TCERG1: variants seen among roughly 807,000 people sequenced by gnomAD.
The protein encoded by TCERG1 is TATA box binding protein (TBP)-associated factor, RNA polymerase II, S, 150kD.
Under a neutral mutation model 144.7 loss-of-function variants are expected in TCERG1, and 37 were observed. The ratio of observed to expected loss-of-function variants is 0.26; its 90% CI spans 0.20 to 0.34. TCERG1 has a LOEUF of 0.34. Among genes scored for constraint, TCERG1 ranks in the 10% least tolerant of loss-of-function variants. The probability of loss-of-function intolerance (pLI) is 1.00; values close to 1 mark genes in which losing one functional copy is unlikely to be tolerated. For missense variants in TCERG1, 1,027 were observed against 1,380.7 expected (o/e 0.74, Z 4.06); for synonymous variants, 492 against 458.2 (o/e 1.07, Z -0.94).
chr5:146,453,922 G>C (rs950609350), intron 1 of TCERG1, among the ~76,000 whole-genome samples: 4 of 151,870 alleles, frequency 2.6e-5, no homozygotes, highest in Admixed American at 2.6e-4. Context: ...TTCCGGCCAG[G>C]CGCTGTGGCT....
At chr5:146,510,140 C>A in intron 22 of TCERG1, 1 of 1,268,246 alleles carries the variant, frequency 7.9e-7, no homozygotes, top group Non-Finnish European at 1.0e-6. Context: ...GACTGAAGTC[C>A]TCTGTTCATC....
chr5:146,485,477 T>C (rs913559601), intron 15 of TCERG1, among the ~76,000 whole-genome samples: 1 of 152,220 alleles, frequency 6.6e-6, no homozygotes, highest in Non-Finnish European at 1.5e-5. Flanking sequence ...TTAAAACTTT[T>C]ATGACGTATT....
chr5:146,471,131 G>GT (rs1764255513), intron 8 of TCERG1, among the ~76,000 whole-genome samples: 1 of 152,202 alleles, frequency 6.6e-6, no homozygotes, highest in African/African-American at 2.4e-5. Context: ...CACTAAAAGA[G>GT]TTTTTTATTC....
At chr5:146,473,419 G>A (rs1030926722) in intron 9 of TCERG1, among the ~76,000 whole-genome samples, 1 of 152,226 alleles carries the variant, frequency 6.6e-6, no homozygotes, top group African/African-American at 2.4e-5. Flanking sequence ...GAAGCAGCAC[G>A]TGCTGATGTA....
At chr5:146,451,723 T>G (rs868404799) in intron 1 of TCERG1, among the ~76,000 whole-genome samples, 1 of 149,806 alleles carries the variant, frequency 6.7e-6, no homozygotes, top group Non-Finnish European at 1.5e-5. Flanking sequence ...CTGGACTTGT[T>G]TACAGTCCTG....
chr5:146,468,519 C>A (rs1374759901), intron 6 of TCERG1, 116 bp downstream of exon 6: 4 of 916,592 alleles, frequency 4.4e-6, no homozygotes, highest in East Asian at 2.8e-5. Context: ...TTATATTTTT[C>A]TTTTTAATGA....
chr5:146,506,060 C>T (rs542483788), intron 19 of TCERG1, among the ~76,000 whole-genome samples: 7 of 152,286 alleles, frequency 4.6e-5, no homozygotes, highest in African/African-American at 1.4e-4. Context: ...CATGAGCCAC[C>T]GCACCCGGCC....
At chr5:146,500,423 G>A (rs561001635) in intron 17 of TCERG1, among the ~76,000 whole-genome samples, 2 of 151,336 alleles carry the variant, frequency 1.3e-5, no homozygotes, top group Admixed American at 6.6e-5. Context: ...AAATCACATT[G>A]TAACTGAGTA....
At chr5:146,470,242 A>G (rs555695058) in intron 7 of TCERG1, among the ~76,000 whole-genome samples, 100 of 152,296 alleles carry the variant, frequency 6.6e-4, no homozygotes, top group African/African-American at 2.2e-3. Context: ...GGCTTAAGCA[A>G]TCCTTCTGCC....
intron 4 of TCERG1, among the ~76,000 whole-genome samples, chr5:146,460,960 G>A (rs1159996979): frequency 1.3e-5 from 2 of 152,150 alleles, no homozygotes; most frequent in African/African-American, 2.4e-5. Context: ...AATGGGAGAA[G>A]GGGATTAATA....
Position 146,447,420 on chromosome 5 carries a change from T to C in TCERG1, c.59+12T>C, listed in dbSNP as rs1244734678. ...CCGGGGGAGCTCAGGTAAGGAACGC[T>C]GCCCTCCTTCACATCTCTGCTCACG... On this transcript the variant is annotated intron_variant, in intron 1 of 22. Coordinates refer to ENST00000679501, the MANE Select transcript of TCERG1 (RefSeq NM_001382548.1). 2 of 1,610,280 alleles carry C rather than the reference T, an allele frequency of 1.2e-6. No individual in the cohort carries two copies. Among genetic ancestry groups the C allele is most frequent in the Admixed American group, 1.7e-5 (1 of 59,488 alleles).
intron 10 of TCERG1, 39 bp downstream of exon 10, chr5:146,478,692 AT>A (rs774996134): frequency 2.6e-6 from 4 of 1,511,242 alleles, no homozygotes; most frequent in Non-Finnish European, 3.5e-6. Context: ...TGATTTTAAC[AT>A]TCTTTTCATA....
intron 15 of TCERG1, among the ~76,000 whole-genome samples, chr5:146,488,315 A>C (rs1385895144): frequency 6.6e-6 from 1 of 152,226 alleles, no homozygotes; most frequent in Non-Finnish European, 1.5e-5. Context: ...GAATGGGAGA[A>C]AATATTTGCT....
intron 22 of TCERG1, 56 bp from the exon 23 acceptor site, chr5:146,510,385 C>T: frequency 1.7e-6 from 2 of 1,189,594 alleles, no homozygotes; most frequent in South Asian, 2.6e-5. Flanking sequence ...CAGCTCATTT[C>T]TGAAAGACCT....
chr5:146,480,120 A>T (rs896699776), intron 12 of TCERG1, 26 bp downstream of exon 12: 1 of 1,529,514 alleles, frequency 6.5e-7, no homozygotes, highest in Non-Finnish European at 8.9e-7. Flanking sequence ...GATTTGATTG[A>T]GGTAGATTAT....
chr5:146,485,049 T>C (rs1765703555), intron 15 of TCERG1, among the ~76,000 whole-genome samples: 1 of 152,226 alleles, frequency 6.6e-6, no homozygotes, highest in South Asian at 2.1e-4. Context: ...GAGAATAAAA[T>C]TGAAGCTCTT....
In TCERG1 at chr5:146,449,122, C is replaced by T. The variant is rs188381083; in HGVS notation, c.59+1714C>T. ...ATGAAATTAGGTGTGTATGTGGCCTCTTTGATGGCAGAAGTTGGGGCTTAA... is the reference window on the plus strand; with the variant it reads ...ATGAAATTAGGTGTGTATGTGGCCTTTTTGATGGCAGAAGTTGGGGCTTAA... On this transcript the variant is annotated intron_variant, in intron 1 of 22. Coordinates refer to ENST00000679501, the MANE Select transcript of TCERG1 (RefSeq NM_001382548.1). 1.2e-3 allele frequency among the ~76,000 whole-genome samples: 180 copies of T among 152,236 alleles called. 5 individuals carry two copies. In the South Asian group the frequency reaches 0.021, roughly 18 times the overall value.
intron 16 of TCERG1, among the ~76,000 whole-genome samples, chr5:146,497,077 G>A (rs891191489): frequency 6.6e-6 from 1 of 151,944 alleles, no homozygotes; most frequent in Non-Finnish European, 1.5e-5. Context: ...CACCTTGTTG[G>A]CCATGCTGGT....
chr5:146,461,898 A>G (rs1457972170), intron 4 of TCERG1: 5 of 152,510 alleles, frequency 3.3e-5, no homozygotes, highest in Non-Finnish European at 7.4e-5. Flanking sequence ...ATACATTTTC[A>G]GCCAGTATAG....
Sources: allele counts gnomAD v4.1 joint callset (sites outside exome capture counted in the v4.1 genomes callset), GRCh38; gene constraint gnomAD v4.1.1; transcripts MANE v1.5; gene names NCBI Gene and HGNC (gene_info 2026-07-23, HGNC 2026-07-21).